The following APOO variants were observed in gnomAD, a reference collection of about 807,000 sequenced individuals.
The protein encoded by APOO is apolipoprotein O.
A neutral mutation model predicts 23.1 loss-of-function variants in APOO; 11 were observed. The observed-to-expected ratio is 0.48, with a 90% CI of 0.30 to 0.79. The LOEUF is 0.79. Ranked by LOEUF, APOO falls within the 30% of genes least tolerant of loss-of-function variation. The probability of loss-of-function intolerance (pLI) is 0.07; values close to 1 mark genes in which losing one functional copy is unlikely to be tolerated. For missense variants in APOO, 160 were observed against 142.7 expected, an observed-to-expected ratio of 1.12 and a Z score of -0.62; for synonymous variants, 59 against 54.8, an observed-to-expected ratio of 1.08 and a Z score of -0.34.
intron 7 of APOO, among the ~76,000 whole-genome samples, chrX:23,842,838 G>A (rs769474935): frequency 1.7e-4 from 19 of 111,650 alleles, no homozygotes; most frequent in African/African-American, 3.9e-4. Flanking sequence ...GAGAAACCCC[G>A]TCTCTACTAA....
At chrX:23,836,767 CCT>C (rs1923700987) in intron 8 of APOO, 1 of 819,691 alleles carries the variant, frequency 1.2e-6, no homozygotes, top group Admixed American at 3.1e-5. Flanking sequence ...CTGAACAGTT[CCT>C]TTTTCAGAGA....
At chrX:23,906,484 T>G (rs1271574460) in intron 1 of APOO, among the ~76,000 whole-genome samples, 3 of 112,460 alleles carry the variant, frequency 2.7e-5, no homozygotes, top group Non-Finnish European at 3.8e-5. Context: ...CTGCTCTCCT[T>G]TTTACTACTT....
Position 23,868,590 on chromosome X carries a change from T to A in APOO, c.388+3A>T. The stretch of plus-strand genomic sequence containing the variant: ...ACTGTTAAAGCCATAAAATTGCACC[T>A]ACCTCTAGCCAAAAGGAGTCCAATA... On this transcript the variant is annotated splice_donor_region_variant and intron_variant, in intron 5 of 8. Coordinates refer to ENST00000379226, the MANE Select transcript of APOO (RefSeq NM_024122.5). The A allele has an allele frequency of 8.3e-7, 1 of 1,204,694 alleles. No homozygotes were observed. Among genetic ancestry groups the A allele is most frequent in the East Asian group, 3.0e-5 (1 of 33,780 alleles).
chrX:23,890,423 G>A (rs1184998683), intron 1 of APOO, among the ~76,000 whole-genome samples: 1 of 111,887 alleles, frequency 8.9e-6, no homozygotes, highest in Non-Finnish European at 1.9e-5. Context: ...TGACTAGAAG[G>A]GCCACGAGAA....
At chrX:23,852,139 G>T (rs1924567279) in intron 7 of APOO, among the ~76,000 whole-genome samples, 1 of 110,444 alleles carries the variant, frequency 9.1e-6, no homozygotes, top group African/African-American at 3.3e-5. Context: ...GTCCAGGCTG[G>T]TCTCAAACTT....
intron 1 of APOO, among the ~76,000 whole-genome samples, chrX:23,892,383 T>C (rs1052418160): frequency 9.1e-5 from 10 of 109,752 alleles, no homozygotes; most frequent in African/African-American, 3.0e-4. Context: ...GCCTCCCAAG[T>C]AGCTGGCATT....
intron 4 of APOO, among the ~76,000 whole-genome samples, chrX:23,869,066 G>A (rs953129263): frequency 1.8e-5 from 2 of 109,184 alleles, no homozygotes; most frequent in Non-Finnish European, 3.8e-5. Context: ...CCGCCACCAC[G>A]CCCAGCTAAC....
rs745433205 is a variant in APOO, at chrX:23,858,736, G to C, written c.389-3C>G. ...CACTAGCTTCTTTATTTTTGAACCTGATAAATAAAAGGTTGTACACGCCAT... is the reference window on the plus strand; with the variant it reads ...CACTAGCTTCTTTATTTTTGAACCTCATAAATAAAAGGTTGTACACGCCAT... On this transcript the variant is annotated splice_polypyrimidine_tract_variant and splice_region_variant and intron_variant, in intron 5 of 8. Coordinates refer to ENST00000379226, the MANE Select transcript of APOO (RefSeq NM_024122.5). 21 of 1,195,242 alleles carry C rather than the reference G, an allele frequency of 1.8e-5. No homozygotes were observed. In the South Asian group the frequency reaches 3.8e-4, roughly 21 times the overall value.
At chrX:23,901,388 T>C (rs749517916) in intron 1 of APOO, among the ~76,000 whole-genome samples, 49 of 110,957 alleles carry the variant, frequency 4.4e-4, no homozygotes, top group Admixed American at 8.7e-4. Flanking sequence ...CATCAACTGA[T>C]TTCCCCCTTC....
chrX:23,900,356 G>C (rs982390825), intron 1 of APOO, among the ~76,000 whole-genome samples: 2 of 111,498 alleles, frequency 1.8e-5, no homozygotes, highest in African/African-American at 3.3e-5. Context: ...ACAGGATCAT[G>C]ATCAGAGGAC....
chrX:23,839,463 A>C (rs1325407240), intron 8 of APOO, among the ~76,000 whole-genome samples: 2 of 111,475 alleles, frequency 1.8e-5, no homozygotes, highest in Non-Finnish European at 3.8e-5. Context: ...AAATATAAAG[A>C]AAGCTTGAGG....
At chrX:23,868,778 T>A in intron 4 of APOO, 90 bp from the exon 5 acceptor site, 1 of 599,084 alleles carries the variant, frequency 1.7e-6, no homozygotes, top group Non-Finnish European at 2.5e-6. Context: ...TATGTATATA[T>A]AGTATCAAGT....
chrX:23,846,482 C>T (rs1233014399), intron 7 of APOO, among the ~76,000 whole-genome samples: 1 of 107,480 alleles, frequency 9.3e-6, no homozygotes, highest in South Asian at 4.0e-4. Context: ...ATTAGCCAGG[C>T]GTGGTGGCGC....
chrX:23,864,594 A>T (rs1925254703), intron 5 of APOO, among the ~76,000 whole-genome samples: 1 of 111,692 alleles, frequency 9.0e-6, no homozygotes, highest in Non-Finnish European at 1.9e-5. Flanking sequence ...GAGCCACTGT[A>T]CCCCGACAGA....
At chrX:23,867,719 T>C (rs1476974999) in intron 5 of APOO, among the ~76,000 whole-genome samples, 1 of 110,930 alleles carries the variant, frequency 9.0e-6, no homozygotes, top group African/African-American at 3.3e-5. Context: ...ATTTTTTGCA[T>C]TTTTAGTAGA....
chrX:23,891,732 C>A (rs1926662542), intron 1 of APOO, among the ~76,000 whole-genome samples: 1 of 110,417 alleles, frequency 9.1e-6, no homozygotes, highest in South Asian at 3.7e-4. Flanking sequence ...TATATTATTT[C>A]TATTTTCCAT....
chrX:23,838,861 A>G (rs1923840934), intron 8 of APOO, among the ~76,000 whole-genome samples: 2 of 112,000 alleles, frequency 1.8e-5, no homozygotes, highest in Non-Finnish European at 3.8e-5. Flanking sequence ...AGCAAGCTGA[A>G]CTCTGGTGCA....
At chrX:23,867,668 G>A (rs185237543) in intron 5 of APOO, among the ~76,000 whole-genome samples, 1,314 of 110,628 alleles carry the variant, frequency 0.012, 21 homozygotes, top group African/African-American at 0.041. Context: ...TCAGCCTCCC[G>A]AGTAGCTGGG....
chrX:23,880,586 C>G (rs1926066224), intron 2 of APOO, among the ~76,000 whole-genome samples: 1 of 109,863 alleles, frequency 9.1e-6, no homozygotes, highest in African/African-American at 3.3e-5. Context: ...ATAATCCCAG[C>G]TACTTGGGAG....
Sources: gnomAD v4.1 joint callset for allele counts (sites outside exome capture counted in the v4.1 genomes callset) on GRCh38, gnomAD v4.1.1 for gene constraint, MANE v1.5 for transcripts, NCBI Gene and HGNC (gene_info 2026-07-23, HGNC 2026-07-21) for gene names.